BTG4: variants seen among roughly 807,000 people sequenced by gnomAD.
BTG4 encodes the protein BTG anti-proliferation factor 4, also known as protein BTG4.
BTG4 carries 10 observed loss-of-function variants against 19.3 expected under a neutral mutation model. That is an observed-to-expected ratio of 0.52 (90% CI 0.32 to 0.88). BTG4 has a LOEUF of 0.88. BTG4 is among the 40% of genes least tolerant of loss of function. The pLI is 0.04. For synonymous variants in BTG4, 91 were observed against 95.7 expected, an observed-to-expected ratio of 0.95 and a Z score of 0.29; for missense variants, 238 against 281.9, an observed-to-expected ratio of 0.84 and a Z score of 1.11.
At chr11:111,498,211 T>TGA in intron 2 of BTG4, 76 bp from the exon 3 acceptor site, 1 of 1,519,974 alleles carries the variant, frequency 6.6e-7, no homozygotes, top group Non-Finnish European at 9.0e-7. Context: ...GCACATACTG[T>TGA]TCCAATACAC....
the BTG4 span, among the ~76,000 whole-genome samples, chr11:111,415,291 G>T: frequency 6.6e-6 from 1 of 152,154 alleles, no homozygotes; most frequent in African/African-American, 2.4e-5. Context: ...CTCCTCCAAA[G>T]CTGCTTCTCC....
chr11:111,495,189 G>C lies in BTG4; in HGVS notation c.636C>G (p.Tyr212Ter). ...YHGSQKHPKC[Y>*]RPAMHRLDRY... The stretch of plus-strand genomic sequence containing the variant: ...TGTCCAGCCGGTGCATAGCAGGCCT[G>C]TAACACTTAGGATGCTTCTGCGAGC... The change falls in exon 5 of 5, where the codon TAC becomes TAG. Residue 212 changes from tyrosine to a stop codon, truncating the protein, a stop_gained. Coordinates refer to ENST00000692032, the MANE Select transcript of BTG4 (RefSeq NM_001367975.1). LOFTEE classifies it high-confidence loss of function. 1 of 1,609,082 alleles carries C rather than the reference G, an allele frequency of 6.2e-7. No individual in the cohort carries two copies. Among genetic ancestry groups the C allele is most frequent in the Non-Finnish European group, 8.5e-7 (1 of 1,178,028 alleles).
chr11:111,455,686 G>A, the BTG4 span: 1 of 395,680 alleles, frequency 2.5e-6, no homozygotes, highest in Admixed American at 2.5e-5. Flanking sequence ...GAATGTGGCT[G>A]CAGGGGGTCC....
At chr11:111,421,575 A>C in the BTG4 span, among the ~76,000 whole-genome samples, 1 of 152,210 alleles carries the variant, frequency 6.6e-6, no homozygotes, top group African/African-American at 2.4e-5. Flanking sequence ...AGGAAAGAGA[A>C]AATGGGGCTA....
the BTG4 span, among the ~76,000 whole-genome samples, chr11:111,412,454 G>A: frequency 6.6e-6 from 1 of 152,090 alleles, no homozygotes. Flanking sequence ...TAATTTCATG[G>A]TGTATTGCAT....
the BTG4 span, among the ~76,000 whole-genome samples, chr11:111,394,720 T>C: frequency 5.3e-5 from 8 of 152,186 alleles, no homozygotes; most frequent in African/African-American, 1.9e-4. Flanking sequence ...GGCCTCCTCT[T>C]TAGACACTTG....
chr11:111,458,574 G>C, the BTG4 span, among the ~76,000 whole-genome samples: 1 of 152,104 alleles, frequency 6.6e-6, no homozygotes, highest in South Asian at 2.1e-4. Flanking sequence ...GAGTTGCCCA[G>C]CTGGGGTCCT....
Position 111,498,042 on chromosome 11 carries a change from C to T in BTG4, c.267G>A (p.Pro89=), listed in dbSNP as rs760997790. The change falls in exon 3 of 5, where the codon CCG becomes CCA. Residue 89 remains proline, a synonymous_variant. Transcript: ENST00000692032. ...SNVDFSHLGL[P]KEMTIWVDPF... is the part of the protein sequence containing the mutation. ...GATCTACCCATATGGTCATCTCCTT[C>T]GGAAGTCCCAGGTGAGAAAAATCTA... The T allele has an allele frequency of 4.3e-5, 69 of 1,614,014 alleles. No individual in the cohort carries two copies. The South Asian group carries it at 6.9e-4, about 16-fold the overall frequency.
intron 1 of BTG4, among the ~76,000 whole-genome samples, chr11:111,506,369 C>G (rs1866456166): frequency 6.6e-6 from 1 of 152,074 alleles, no homozygotes; most frequent in African/African-American, 2.4e-5. Context: ...CCAAAGTCAA[C>G]TAACCCAGAA....
chr11:111,467,821 C>A, intron 5 of BTG4: 2 of 534,992 alleles, frequency 3.7e-6, no homozygotes, highest in East Asian at 3.2e-5. Flanking sequence ...AGAGCTTTCT[C>A]TAATCAGTAA....
At chr11:111,394,483 G>A in the BTG4 span, among the ~76,000 whole-genome samples, 3 of 152,208 alleles carry the variant, frequency 2.0e-5, no homozygotes, top group Admixed American at 6.5e-5. Context: ...CTGCCGTCAT[G>A]TAAGACATGC....
intron 5 of BTG4, among the ~76,000 whole-genome samples, chr11:111,471,731 T>C (rs1864076652): frequency 6.6e-6 from 1 of 152,260 alleles, no homozygotes; most frequent in South Asian, 2.1e-4. Context: ...TCAACCCCAA[T>C]TCTCTAACCC....
chr11:111,455,046 C>T, the BTG4 span: 81 of 455,898 alleles, frequency 1.8e-4, 2 homozygotes, highest in Middle Eastern at 1.7e-3. Context: ...TCCCAGCCTC[C>T]GCTAACCGGC....
chr11:111,488,734 A>G (rs897851761), intron 5 of BTG4, among the ~76,000 whole-genome samples: 3 of 152,250 alleles, frequency 2.0e-5, no homozygotes, highest in Admixed American at 6.5e-5. Flanking sequence ...TAAGAAGCTC[A>G]AACAACTCAA....
At chr11:111,415,886 G>GA in the BTG4 span, 11 of 151,016 alleles carry the variant, frequency 7.3e-5, no homozygotes, top group East Asian at 1.9e-4. Context: ...TAAAAATCAA[G>GA]AAAAAAAAAT....
chr11:111,391,969 T>C, the BTG4 span, among the ~76,000 whole-genome samples: 1 of 152,078 alleles, frequency 6.6e-6, no homozygotes, highest in Non-Finnish European at 1.5e-5. Context: ...CTCTGCATTC[T>C]CGGAATCAGT....
the BTG4 span, among the ~76,000 whole-genome samples, chr11:111,461,243 A>C: frequency 1.3e-5 from 2 of 152,244 alleles, no homozygotes; most frequent in African/African-American, 2.4e-5. Context: ...TTAGAAGCCA[A>C]GAAATTTCAA....
At chr11:111,408,729 A>G in the BTG4 span, among the ~76,000 whole-genome samples, 1 of 152,392 alleles carries the variant, frequency 6.6e-6, no homozygotes, top group South Asian at 2.1e-4. Context: ...AGTCATCTTC[A>G]GGGCAACCCA....
At chr11:111,384,639 A>G in the BTG4 span, 1 of 152,188 alleles carries the variant, frequency 6.6e-6, no homozygotes, top group East Asian at 1.9e-4. Flanking sequence ...ATGTCTTCAG[A>G]CCTACAAGAC....
Sources: gnomAD v4.1 joint callset for allele counts (sites outside exome capture counted in the v4.1 genomes callset) on GRCh38, gnomAD v4.1.1 for gene constraint, MANE v1.5 for transcripts, NCBI Gene and HGNC (gene_info 2026-07-23, HGNC 2026-07-21) for gene names.